Variants in CLUAP1 observed in about 807,000 individuals in gnomAD.
CLUAP1 encodes the protein clusterin-associated protein 1.
CLUAP1 carries 50 observed loss-of-function variants against 55.0 expected under a neutral mutation model. The observed-to-expected ratio is 0.91, with a 90% CI of 0.72 to 1.15. CLUAP1 has a LOEUF of 1.15. Among genes scored for constraint, CLUAP1 ranks in the 50% most tolerant of loss-of-function variants. The probability of loss-of-function intolerance (pLI) is 0.00; values close to 1 mark genes in which losing one functional copy is unlikely to be tolerated. For missense variants in CLUAP1, 530 were observed against 507.6 expected (o/e 1.04, Z -0.42); for synonymous variants, 195 against 175.4 (o/e 1.11, Z -0.88).
At chr16:3,518,289 G>T (rs1206355495) in intron 6 of CLUAP1, among the ~76,000 whole-genome samples, 1 of 152,178 alleles carries the variant, frequency 6.6e-6, no homozygotes, top group Non-Finnish European at 1.5e-5. Flanking sequence ...GCATGAATGT[G>T]CCCTTAGCAC....
rs1275316347 is a variant in CLUAP1 at position 3,526,400 on chromosome 16, C to T, written c.856-12C>T. On this transcript the variant is annotated splice_polypyrimidine_tract_variant and intron_variant, in intron 8 of 11. Coordinates refer to ENST00000576634, the MANE Select transcript of CLUAP1 (RefSeq NM_015041.3). ...GGCCATCTCTCCTGAGTCTGTATTTCCTCTTCCACAGGAAGCTAAAAACAC... is the reference window on the plus strand; with the variant it reads ...GGCCATCTCTCCTGAGTCTGTATTTTCTCTTCCACAGGAAGCTAAAAACAC... The T allele has an allele frequency of 6.3e-7, 1 of 1,584,534 alleles. No homozygotes were observed. The highest frequency in any genetic ancestry group is 8.6e-7 in the Non-Finnish European group (1 of 1,167,348).
At chr16:3,500,453 T>C (rs2037368294), upstream of CLUAP1, among the ~76,000 whole-genome samples, 1 of 143,982 alleles carries the variant, frequency 6.9e-6, no homozygotes, top group African/African-American at 2.6e-5. Context: ...CACTGCAACC[T>C]CTGCCTGCCG....
In CLUAP1 at chr16:3,512,455, C is replaced by G. The variant is rs749901486; in HGVS notation, c.472C>G (p.Leu158Val). 3 of 1,613,786 alleles carry G rather than the reference C, an allele frequency of 1.9e-6. No homozygotes were observed. In the African/African-American group the frequency reaches 4.0e-5, roughly 22 times the overall value. Residue 158 changes from leucine to valine, a missense_variant, in exon 5 of 12, where the codon CTC (leucine) becomes GTC (valine). Coordinates refer to ENST00000576634, the MANE Select transcript of CLUAP1 (RefSeq NM_015041.3). ...TSKGASLYDL[L>V]GMEVELREMR... The stretch of plus-strand genomic sequence containing the variant: ...CAAAGGAGCATCTCTGTATGACTTG[C>G]TCGGCATGGAAGTAGAGTTGAGGGT...
intron 1 of CLUAP1, 90 bp downstream of exon 1, chr16:3,501,179 G>A: frequency 7.4e-7 from 1 of 1,352,008 alleles, no homozygotes; most frequent in East Asian, 2.5e-5. Flanking sequence ...CGATCCCTGA[G>A]GCTTGCGCTG....
intron 10 of CLUAP1, among the ~76,000 whole-genome samples, chr16:3,531,093 C>T (rs2038106864): frequency 6.6e-6 from 1 of 152,322 alleles, no homozygotes; most frequent in African/African-American, 2.4e-5. Flanking sequence ...CAGTGGTGCA[C>T]ACCTTATTCC....
At chr16:3,515,318 A>G (rs1031549430) in intron 5 of CLUAP1, 190 bp from the exon 6 acceptor site, 2 of 473,566 alleles carry the variant, frequency 4.2e-6, no homozygotes, top group African/African-American at 2.1e-5. Flanking sequence ...TGAGCTCTGG[A>G]GAGAGCTGGG....
chr16:3,512,711 C>T (rs572942821), intron 5 of CLUAP1, among the ~76,000 whole-genome samples: 55 of 152,184 alleles, frequency 3.6e-4, no homozygotes, highest in South Asian at 2.7e-3. Flanking sequence ...GACGGAGTCT[C>T]GCTGTGTTGC....
At chr16:3,525,545 C>G (rs1021137114) in intron 8 of CLUAP1, among the ~76,000 whole-genome samples, 6 of 151,934 alleles carry the variant, frequency 3.9e-5, no homozygotes, top group Admixed American at 3.3e-4. Flanking sequence ...GTCCCTCCCC[C>G]CCACTCTCTC....
chr16:3,501,273 C>G (rs1264806121), intron 1 of CLUAP1, among the ~76,000 whole-genome samples, 184 bp downstream of exon 1: 1 of 152,238 alleles, frequency 6.6e-6, no homozygotes, highest in Admixed American at 6.5e-5. Flanking sequence ...GGCCCTTCTT[C>G]GGCCATTTCT....
chr16:3,520,213 T>C (rs959581485), intron 7 of CLUAP1, among the ~76,000 whole-genome samples, 177 bp downstream of exon 7: 3 of 151,700 alleles, frequency 2.0e-5, no homozygotes, highest in African/African-American at 7.3e-5. Flanking sequence ...TCTCTAAAAA[T>C]TTTTAAAAAT....
intron 9 of CLUAP1, among the ~76,000 whole-genome samples, chr16:3,530,034 T>A (rs1320771171): frequency 6.7e-6 from 1 of 148,494 alleles, no homozygotes; most frequent in African/African-American, 2.5e-5. Flanking sequence ...TGAGCCACAG[T>A]TCTAGGAGCA....
intron 11 of CLUAP1, chr16:3,533,429 G>A (rs772484772): frequency 1.2e-5 from 6 of 482,814 alleles, no homozygotes; most frequent in African/African-American, 9.7e-5. Context: ...GCCGGGCTCA[G>A]GACCAACCCC....
At chr16:3,498,527 G>A (rs567973293), upstream of CLUAP1, among the ~76,000 whole-genome samples, 124 of 152,100 alleles carry the variant, frequency 8.2e-4, no homozygotes, top group Admixed American at 1.3e-3. Context: ...TCAGAAACAC[G>A]GCTGGGCATG....
At chr16:3,495,925 G>A in the CLUAP1 span, among the ~76,000 whole-genome samples, 2 of 152,124 alleles carry the variant, frequency 1.3e-5, no homozygotes, top group Non-Finnish European at 2.9e-5. Context: ...CGGATCATGA[G>A]GTCAGGAGAT....
chr16:3,496,223 A>G (rs909694677), upstream of CLUAP1: 6 of 601,106 alleles, frequency 1.0e-5, no homozygotes, highest in South Asian at 8.3e-5. Flanking sequence ...GTCCGCCACA[A>G]GAAGGACCTA....
chr16:3,530,403 A>T, intron 9 of CLUAP1, 165 bp from the exon 10 acceptor site: 2 of 612,188 alleles, frequency 3.3e-6, no homozygotes, highest in Non-Finnish European at 5.8e-6. Context: ...AAAATTGATT[A>T]TATAATTTGA....
intron 11 of CLUAP1, chr16:3,533,739 A>G (rs1278695905): frequency 1.3e-5 from 2 of 154,426 alleles, no homozygotes; most frequent in Non-Finnish European, 2.9e-5. Context: ...ATGTGCCCTG[A>G]ATTTACAGGG....
Position 3,520,019 on chromosome 16 carries a change from G to A in CLUAP1, c.696G>A (p.Glu232=), listed in dbSNP as rs991365979. The A allele has an allele frequency of 1.9e-6, 3 of 1,611,844 alleles. No individual in the cohort carries two copies. Among genetic ancestry groups the A allele is most frequent in the East Asian group, 2.2e-5 (1 of 44,872 alleles). ...TGGAAAGAAATCGGAAGCGACTAGA[G>A]ACTCTGCAGAGTGTCAGGTAGATAT... is the stretch of plus-strand genomic sequence containing the variant. ...LELERNRKRL[E]TLQSVRPCFM... is the part of the protein sequence containing the mutation. Residue 232 remains glutamate, a synonymous_variant, in exon 7 of 12, where the codon GAG becomes GAA. Transcript: ENST00000576634.
chr16:3,511,215 T>C (rs1347151924), intron 4 of CLUAP1, among the ~76,000 whole-genome samples: 1 of 151,974 alleles, frequency 6.6e-6, no homozygotes, highest in East Asian at 1.9e-4. Context: ...TTGTTGCTAG[T>C]GGGTTGAAAA....
Sources: allele counts gnomAD v4.1 joint callset (sites outside exome capture counted in the v4.1 genomes callset), GRCh38; gene constraint gnomAD v4.1.1; transcripts MANE v1.5; gene names NCBI Gene and HGNC (gene_info 2026-07-23, HGNC 2026-07-21).